Variants in LSM14A observed in about 807,000 individuals in gnomAD.
LSM14A encodes the protein LSM14A mRNA processing body assembly factor.
A neutral mutation model predicts 52.4 loss-of-function variants in LSM14A; 14 were observed. That is an observed-to-expected ratio of 0.27 (90% CI 0.18 to 0.42). The LOEUF is 0.42. Among genes scored for constraint, LSM14A ranks in the 10% least tolerant of loss-of-function variants. The probability of loss-of-function intolerance (pLI) is 1.00; values close to 1 mark genes in which losing one functional copy is unlikely to be tolerated. For synonymous variants in LSM14A, 185 were observed against 200.3 expected (o/e 0.92, Z 0.64); for missense variants, 417 against 581.8 (o/e 0.72, Z 2.91).
chr19:34,192,327 T>TTTTTTTTTG (rs2070474820), intron 1 of LSM14A, among the ~76,000 whole-genome samples: 2 of 121,966 alleles, frequency 1.6e-5, no homozygotes, highest in Non-Finnish European at 3.7e-5. Context: ...TTGTTTTTTT[T>TTTTTTTTTG]TTTTTTTTTT....
rs541617216 is a variant in LSM14A, at chr19:34,213,051, T to C, written c.539-2073T>C. On this transcript the variant is annotated intron_variant, in intron 4 of 9. Transcript: ENST00000544216. ...CTATAGTCCTAGCTACTCAAGAGGCTGAGGCAGGAAGATCATTGGGTCCCA... is the reference window on the plus strand; with the variant it reads ...CTATAGTCCTAGCTACTCAAGAGGCCGAGGCAGGAAGATCATTGGGTCCCA... Among the ~76,000 whole-genome samples, 5 of 152,260 alleles carry C rather than the reference T, an allele frequency of 3.3e-5. No homozygotes were observed. In the South Asian group the frequency reaches 6.2e-4, roughly 19 times the overall value.
At chr19:34,220,930 T>C (rs1266060641) in intron 8 of LSM14A, among the ~76,000 whole-genome samples, 3 of 152,170 alleles carry the variant, frequency 2.0e-5, no homozygotes, top group African/African-American at 7.2e-5. Context: ...TATATCTGAA[T>C]TTCCATTATT....
In LSM14A at chr19:34,194,539, C is replaced by A; in HGVS notation, c.183C>A (p.Val61=). Reference sequence around the variant, plus strand: ...GTCCAATACCACCTCGAGATGAAGTCTTTGAATACATTATATTCCGTGGGA... The same window carrying A: ...GTCCAATACCACCTCGAGATGAAGTATTTGAATACATTATATTCCGTGGGA... ...TDRPIPPRDE[V]FEYIIFRGSD... is the part of the protein sequence containing the mutation. The change falls in exon 2 of 10, where the codon GTC becomes GTA. Residue 61 remains valine, a synonymous_variant. Transcript: ENST00000544216. 6.2e-7 allele frequency: 1 copy of A among 1,614,058 alleles called. No homozygotes were observed. Among genetic ancestry groups the A allele is most frequent in the Non-Finnish European group, 8.5e-7 (1 of 1,179,948 alleles).
intron 6 of LSM14A, among the ~76,000 whole-genome samples, chr19:34,217,592 A>C (rs2072718034): frequency 8.9e-6 from 1 of 112,704 alleles, no homozygotes; most frequent in African/African-American, 3.3e-5. Flanking sequence ...TTATATATAT[A>C]TATATTTTTA....
chr19:34,197,171 A>C (rs2070906011), intron 3 of LSM14A, among the ~76,000 whole-genome samples: 1 of 152,066 alleles, frequency 6.6e-6, no homozygotes, highest in African/African-American at 2.4e-5. Flanking sequence ...GGCTCACTAC[A>C]ACTTCCACCT....
chr19:34,190,171 TG>T (rs2070254864), intron 1 of LSM14A, among the ~76,000 whole-genome samples: 1 of 152,202 alleles, frequency 6.6e-6, no homozygotes, highest in Non-Finnish European at 1.5e-5. Flanking sequence ...ACTTCTCATT[TG>T]TTCTGTAACA....
chr19:34,219,027 C>G (rs904504147), intron 6 of LSM14A, among the ~76,000 whole-genome samples: 6 of 152,196 alleles, frequency 3.9e-5, no homozygotes, highest in Middle Eastern at 3.4e-3. Context: ...TTCAGTTTGC[C>G]GGTGTTGGGG....
intron 2 of LSM14A, 84 bp downstream of exon 2, chr19:34,194,725 C>G (rs771084767): frequency 7.3e-6 from 9 of 1,232,220 alleles, no homozygotes; most frequent in Non-Finnish European, 1.1e-5. Context: ...GTTGAATGTT[C>G]ATGTAGCTTA....
At position 34,215,092 on chromosome 19, in the gene LSM14A, G is replaced by A. The variant is rs1180511274; in HGVS notation, c.539-32G>A. ...CTAGATTATTTTGAAATCCCCAATA[G>A]GGTAGTTTGTTATCTTTTGGTTACA... is the stretch of plus-strand genomic sequence containing the variant. On this transcript the variant is annotated intron_variant, in intron 4 of 9. Transcript: ENST00000544216. 4 of 1,566,702 alleles carry A rather than the reference G, an allele frequency of 2.6e-6. No individual in the cohort carries two copies. The South Asian group carries it at 3.5e-5, about 14-fold the overall frequency.
intron 1 of LSM14A, among the ~76,000 whole-genome samples, chr19:34,184,920 C>T (rs1293087680): frequency 1.3e-5 from 2 of 152,108 alleles, no homozygotes; most frequent in Non-Finnish European, 2.9e-5. Flanking sequence ...GAATTAGCCA[C>T]ATGTAGAGGC....
intron 1 of LSM14A, among the ~76,000 whole-genome samples, chr19:34,187,420 AG>A (rs1307665626): frequency 6.6e-6 from 1 of 152,028 alleles, no homozygotes; most frequent in Non-Finnish European, 1.5e-5. Context: ...CTGGGATTAC[AG>A]GCGTGTGCCA....
chr19:34,209,953 A>G (rs1178444597), intron 4 of LSM14A, among the ~76,000 whole-genome samples: 1 of 152,034 alleles, frequency 6.6e-6, no homozygotes, highest in Non-Finnish European at 1.5e-5. Context: ...CCTGGCCCCA[A>G]ACAAGCCTCC....
At chr19:34,194,379 A>T (rs2070696173) in intron 1 of LSM14A, 99 bp from the exon 2 acceptor site, 2 of 1,087,572 alleles carry the variant, frequency 1.8e-6, no homozygotes, top group Admixed American at 4.5e-5. Flanking sequence ...GACATTTCAG[A>T]ACTACTGCTT....
chr19:34,184,835 T>A (rs942465932), intron 1 of LSM14A, among the ~76,000 whole-genome samples: 2 of 152,198 alleles, frequency 1.3e-5, no homozygotes, highest in Non-Finnish European at 2.9e-5. Flanking sequence ...CTTTTTTGTT[T>A]TTTGTTTTTG....
chr19:34,211,687 G>A (rs1320083162), intron 4 of LSM14A, among the ~76,000 whole-genome samples: 1 of 151,794 alleles, frequency 6.6e-6, no homozygotes, highest in Non-Finnish European at 1.5e-5. Flanking sequence ...TACTCAAGAG[G>A]CTGAGACAGG....
intron 1 of LSM14A, among the ~76,000 whole-genome samples, chr19:34,181,977 T>C (rs2069512590): frequency 6.6e-6 from 1 of 152,130 alleles, no homozygotes; most frequent in South Asian, 2.1e-4. Flanking sequence ...CCAAAACACC[T>C]TGGAGCCATC....
chr19:34,199,761 A>G (rs910657595), intron 3 of LSM14A, among the ~76,000 whole-genome samples: 2 of 152,198 alleles, frequency 1.3e-5, no homozygotes, highest in Admixed American at 6.5e-5. Flanking sequence ...AACAAAGGAA[A>G]AGACATACTT....
chr19:34,198,242 CTT>C (rs961529874), intron 3 of LSM14A, among the ~76,000 whole-genome samples: 8 of 152,244 alleles, frequency 5.3e-5, no homozygotes, highest in African/African-American at 1.9e-4. Context: ...TGTGAATATA[CTT>C]TTTATACAGA....
intron 1 of LSM14A, among the ~76,000 whole-genome samples, chr19:34,184,767 T>G (rs1331858511): frequency 6.6e-6 from 1 of 152,238 alleles, no homozygotes; most frequent in Non-Finnish European, 1.5e-5. Flanking sequence ...GCTTCTATTT[T>G]TAGAATCCCT....
Sources: gnomAD v4.1 joint callset for allele counts (sites outside exome capture counted in the v4.1 genomes callset) on GRCh38, gnomAD v4.1.1 for gene constraint, MANE v1.5 for transcripts, NCBI Gene and HGNC (gene_info 2026-07-23, HGNC 2026-07-21) for gene names.